Variants in EPHA6 observed in about 807,000 individuals in gnomAD.
The protein encoded by EPHA6 is ephrin type-A receptor 6.
EPHA6 carries 50 observed loss-of-function variants against 112.0 expected under a neutral mutation model. That is an observed-to-expected ratio of 0.45 (90% CI 0.36 to 0.56). The LOEUF (loss-of-function observed/expected upper bound fraction) is 0.56. EPHA6 is among the 20% of genes least tolerant of loss of function. The probability of loss-of-function intolerance (pLI) is 0.00; values close to 1 mark genes in which losing one functional copy is unlikely to be tolerated. For missense variants in EPHA6, 1,280 were observed against 1,417.4 expected (o/e 0.90, Z 1.56); for synonymous variants, 529 against 490.7 (o/e 1.08, Z -1.03).
chr3:97,722,420 G>A (rs2034570672), intron 15 of EPHA6, among the ~76,000 whole-genome samples: 1 of 152,192 alleles, frequency 6.6e-6, no homozygotes, highest in Admixed American at 6.5e-5. Flanking sequence ...GCATAGAGAA[G>A]TGACATATTT....
chr3:97,419,218 G>T (rs983806412), intron 6 of EPHA6, among the ~76,000 whole-genome samples: 1 of 152,082 alleles, frequency 6.6e-6, no homozygotes, highest in African/African-American at 2.4e-5. Flanking sequence ...CAGGAGAATC[G>T]CCTGAACCCA....
rs565314360 is a variant in EPHA6 at position 97,063,352 on chromosome 3, C to T, written c.1114+75359C>T. Among the ~76,000 whole-genome samples, 15 of 152,248 alleles carry T rather than the reference C, an allele frequency of 9.9e-5. No homozygotes were observed. The East Asian group carries it at 2.9e-3, about 29-fold the overall frequency. On this transcript the variant is annotated intron_variant, in intron 3 of 17. Transcript: ENST00000389672. ...TAAAGAAAATGTGGTACATATACAC[C>T]ATGGAATACTATGCAGCCATAAAAA...
intron 3 of EPHA6, among the ~76,000 whole-genome samples, chr3:97,102,969 T>G (rs1003434240): frequency 2.0e-5 from 3 of 152,084 alleles, no homozygotes; most frequent in Non-Finnish European, 4.4e-5. Flanking sequence ...TACCTAATTT[T>G]TAATAGGATC....
intron 3 of EPHA6, among the ~76,000 whole-genome samples, chr3:97,050,499 A>C (rs2045650390): frequency 6.6e-6 from 1 of 152,192 alleles, no homozygotes; most frequent in African/African-American, 2.4e-5. Context: ...GTTGTTTTTC[A>C]AAAATATGTT....
At chr3:97,626,555 A>G (rs1476379046) in intron 13 of EPHA6, among the ~76,000 whole-genome samples, 1 of 151,700 alleles carries the variant, frequency 6.6e-6, no homozygotes, top group African/African-American at 2.4e-5. Flanking sequence ...TAAAGAAGGA[A>G]ATAAAGAGTC....
At chr3:97,070,816 T>A (rs2046326851) in intron 3 of EPHA6, among the ~76,000 whole-genome samples, 1 of 152,120 alleles carries the variant, frequency 6.6e-6, no homozygotes, top group Non-Finnish European at 1.5e-5. Context: ...AATGTGTCTT[T>A]ATGTCCACAG....
intron 3 of EPHA6, among the ~76,000 whole-genome samples, chr3:97,014,658 T>A (rs559757444): frequency 6.6e-6 from 1 of 152,302 alleles, no homozygotes; most frequent in Non-Finnish European, 1.5e-5. Flanking sequence ...GAATACAAAA[T>A]ATATCATATA....
chr3:96,871,452 A>G (rs1487960277), intron 2 of EPHA6, among the ~76,000 whole-genome samples: 4 of 152,062 alleles, frequency 2.6e-5, no homozygotes, highest in Admixed American at 1.3e-4. Flanking sequence ...CCAGACTTCT[A>G]TATAGACCAT....
chr3:97,088,205 A>G (rs1229613498), intron 3 of EPHA6, among the ~76,000 whole-genome samples: 1 of 152,056 alleles, frequency 6.6e-6, no homozygotes, highest in African/African-American at 2.4e-5. Context: ...AATTAACTCA[A>G]TTGAAGAAAC....
At chr3:97,697,585 C>T (rs567311260) in intron 14 of EPHA6, among the ~76,000 whole-genome samples, 3 of 152,266 alleles carry the variant, frequency 2.0e-5, no homozygotes, top group South Asian at 2.1e-4. Context: ...TTGATTTATG[C>T]GTGCAATTTC....
intron 2 of EPHA6, among the ~76,000 whole-genome samples, chr3:96,920,450 A>ATGTT (rs2039698738): frequency 6.6e-6 from 1 of 151,998 alleles, no homozygotes; most frequent in African/African-American, 2.4e-5. Context: ...TATTTACTGA[A>ATGTT]TGTTTACTTT....
At chr3:96,974,414 C>G (rs1052137071) in intron 2 of EPHA6, among the ~76,000 whole-genome samples, 1 of 149,634 alleles carries the variant, frequency 6.7e-6, no homozygotes, top group East Asian at 1.9e-4. Context: ...CTAAGTTGGT[C>G]AGTTTGGTCA....
intron 5 of EPHA6, among the ~76,000 whole-genome samples, chr3:97,310,073 T>C (rs919777230): frequency 1.3e-5 from 2 of 151,544 alleles, no homozygotes; most frequent in African/African-American, 2.4e-5. Context: ...ATATAACTCT[T>C]TTGGTTAAAA....
rs553566829 is a variant in EPHA6, at chr3:97,572,307, C to T, written c.2387-20305C>T. ...CTAGGACTACAGGCGCCCGCCACCA[C>T]ACCCAGCTAATTTTTTGTATTTTTA... is the stretch of plus-strand genomic sequence containing the variant. On this transcript the variant is annotated intron_variant, in intron 11 of 17. Transcript: ENST00000389672. Among the ~76,000 whole-genome samples, 124 of 152,074 alleles carry T rather than the reference C, an allele frequency of 8.2e-4. 2 individuals carry two copies. The highest frequency in any genetic ancestry group is 1.5e-3 in the African/African-American group (62 of 41,512).
chr3:96,986,399 T>C (rs1052176538), intron 2 of EPHA6, among the ~76,000 whole-genome samples: 5 of 152,150 alleles, frequency 3.3e-5, no homozygotes, highest in Non-Finnish European at 5.9e-5. Context: ...GACTGTCTGT[T>C]CTTATTACCT....
intron 3 of EPHA6, among the ~76,000 whole-genome samples, chr3:97,208,698 G>A (rs1280583532): frequency 6.6e-6 from 1 of 151,616 alleles, no homozygotes; most frequent in Non-Finnish European, 1.5e-5. Flanking sequence ...AGTGAGCCAA[G>A]ATCACACCAC....
intron 14 of EPHA6, among the ~76,000 whole-genome samples, chr3:97,703,783 C>T (rs2033528328): frequency 6.6e-6 from 1 of 152,088 alleles, no homozygotes; most frequent in African/African-American, 2.4e-5. Context: ...ACATTGAGCA[C>T]ATGTGAAGTC....
At chr3:96,864,030 C>G (rs2036163369) in intron 1 of EPHA6, among the ~76,000 whole-genome samples, 1 of 152,010 alleles carries the variant, frequency 6.6e-6, no homozygotes, top group Admixed American at 6.6e-5. Flanking sequence ...TAATGAGTTA[C>G]TGTTGCACAC....
intron 6 of EPHA6, among the ~76,000 whole-genome samples, chr3:97,442,610 A>G (rs1560013956): frequency 6.6e-6 from 1 of 152,158 alleles, no homozygotes; most frequent in Non-Finnish European, 1.5e-5. Context: ...AAACCAGAAT[A>G]TTCACGTATT....
Sources: allele counts gnomAD v4.1 joint callset (sites outside exome capture counted in the v4.1 genomes callset), GRCh38; gene constraint gnomAD v4.1.1; transcripts MANE v1.5; gene names NCBI Gene and HGNC (gene_info 2026-07-23, HGNC 2026-07-21).